Variants in DGKD observed in about 807,000 individuals in gnomAD.
DGKD encodes the protein diacylglycerol kinase delta.
In DGKD, 68 loss-of-function variants were observed where a neutral mutation model predicts 154.4. The observed-to-expected ratio is 0.44, with a 90% confidence interval of 0.36 to 0.54. The LOEUF (loss-of-function observed/expected upper bound fraction) is 0.54. Ranked by LOEUF, DGKD falls within the 20% of genes least tolerant of loss-of-function variation. The pLI, the probability that DGKD is intolerant of heterozygous loss-of-function variation, is 0.00. For missense variants in DGKD, 1,343 were observed against 1,593.6 expected (o/e 0.84, Z 2.68); for synonymous variants, 693 against 638.0 (o/e 1.09, Z -1.30).
At chr2:233,385,793 T>C (rs1251767384) in intron 1 of DGKD, among the ~76,000 whole-genome samples, 3 of 152,226 alleles carry the variant, frequency 2.0e-5, no homozygotes, top group Non-Finnish European at 4.4e-5. Flanking sequence ...TCTATAGTAC[T>C]CACAAGCAGC....
chr2:233,365,857 G>T (rs928959768), intron 1 of DGKD, among the ~76,000 whole-genome samples: 1 of 152,072 alleles, frequency 6.6e-6, no homozygotes, highest in African/African-American at 2.4e-5. Flanking sequence ...TATAAAATGG[G>T]GTACAGCTGA....
At chr2:233,460,716 CCGTCTCTA>C (rs2063604248) in intron 24 of DGKD, among the ~76,000 whole-genome samples, 1 of 152,098 alleles carries the variant, frequency 6.6e-6, no homozygotes, top group Admixed American at 6.5e-5. Context: ...TGGTGAAACC[CCGTCTCTA>C]CTAAAAATAC....
At chr2:233,426,474 A>C (rs539671079) in intron 3 of DGKD, among the ~76,000 whole-genome samples, 2 of 152,244 alleles carry the variant, frequency 1.3e-5, no homozygotes, top group Admixed American at 6.5e-5. Flanking sequence ...CCCTCCTGTC[A>C]AAGCAGCTGC....
chr2:233,360,617 G>A lies in DGKD; in HGVS notation c.156+5943G>A, dbSNP rs1483466886. On this transcript the variant is annotated intron_variant, in intron 1 of 29. Transcript: ENST00000264057. ...TTCCCCAGGCTGGTCTCAAACTCCT[G>A]GGCTCAAGTGATCCTCCTGCTTCAG... Among the ~76,000 whole-genome samples, 3 of 152,184 alleles carry A rather than the reference G, an allele frequency of 2.0e-5. 1 individual carries two copies. The East Asian group carries it at 5.8e-4, about 29-fold the overall frequency.
At chr2:233,442,038 C>A (rs368483390) in intron 10 of DGKD, 43 bp downstream of exon 10, 1 of 1,542,744 alleles carries the variant, frequency 6.5e-7, no homozygotes, top group Non-Finnish European at 9.0e-7. Flanking sequence ...AGAGAGGGTG[C>A]GGAGGTTAGA....
chr2:233,462,193 C>T (rs892623942), intron 24 of DGKD, among the ~76,000 whole-genome samples, 155 bp from the exon 25 acceptor site: 18 of 152,354 alleles, frequency 1.2e-4, no homozygotes, highest in East Asian at 5.8e-4. Context: ...TGTGACTGAA[C>T]GGTCGCTGGG....
rs1212208694 is a variant in DGKD, at chr2:233,449,682, G to A, written c.1889-300G>A. Among the ~76,000 whole-genome samples the A allele has an allele frequency of 2.6e-5, 4 of 152,100 alleles. No homozygotes were observed. The highest frequency in any genetic ancestry group is 1.3e-4 in the Admixed American group (2 of 15,286). ...CACGGCCTCACACCCGCACACCTGC[G>A]TGTCCATGCAGCCGCTCCTCCCGCT... On this transcript the variant is annotated intron_variant, in intron 15 of 29. Coordinates refer to ENST00000264057, the MANE Select transcript of DGKD (RefSeq NM_152879.3). This position sits in a 1 kb window ranked among gnomAD's most constrained non-coding sequence, Gnocchi z 5.3.
chr2:233,415,759 G>T lies in DGKD; in HGVS notation c.349-18621G>T, dbSNP rs1403947232. ...GCACCTTAGCCTACTGAGTAGCTGGGACCACAGGCAGGCACCACCATTCCC... is the reference window on the plus strand; with the variant it reads ...GCACCTTAGCCTACTGAGTAGCTGGTACCACAGGCAGGCACCACCATTCCC... On this transcript the variant is annotated intron_variant, in intron 3 of 29. Transcript: ENST00000264057. 3.9e-5 allele frequency among the ~76,000 whole-genome samples: 6 copies of T among 152,102 alleles called. No homozygotes were observed. The East Asian group carries it at 1.2e-3, about 29-fold the overall frequency.
chr2:233,385,558 G>A lies in DGKD; in HGVS notation c.157-2699G>A, dbSNP rs569259504. Among the ~76,000 whole-genome samples the A allele has an allele frequency of 1.6e-4, 25 of 152,292 alleles. No individual in the cohort carries two copies. In the East Asian group the frequency reaches 3.9e-3, roughly 23 times the overall value. On this transcript the variant is annotated intron_variant, in intron 1 of 29. Transcript: ENST00000264057. ...CCCAACAAAGTGACTCTAAGAGCCC[G>A]GTGGCCCGGCATGGCCCGAGCGAAC...
rs1402238307 is a variant in DGKD, at chr2:233,434,521, G to C, written c.453+37G>C. 1.9e-6 allele frequency: 3 copies of C among 1,583,012 alleles called. No homozygotes were observed. In the South Asian group the frequency reaches 3.3e-5, roughly 18 times the overall value. On this transcript the variant is annotated intron_variant, in intron 4 of 29. Coordinates refer to ENST00000264057, the MANE Select transcript of DGKD (RefSeq NM_152879.3). Reference sequence around the variant, plus strand: ...AAATACCCTTCTCCAAATGCCTCCTGTTGCCTCCCTCACCCCAGTGTCTGC... The same window carrying C: ...AAATACCCTTCTCCAAATGCCTCCTCTTGCCTCCCTCACCCCAGTGTCTGC...
chr2:233,372,090 C>T (rs1331722570), intron 1 of DGKD, among the ~76,000 whole-genome samples: 1 of 152,076 alleles, frequency 6.6e-6, no homozygotes, highest in Non-Finnish European at 1.5e-5. Context: ...GGTATGATCT[C>T]CGTTCACTGC....
At chr2:233,437,917 GACAA>G (rs1234568109) in intron 8 of DGKD, among the ~76,000 whole-genome samples, 2 of 152,240 alleles carry the variant, frequency 1.3e-5, no homozygotes, top group Non-Finnish European at 2.9e-5. Context: ...GGCACCTGTT[GACAA>G]GTACTGGTGG....
At chr2:233,410,139 C>T (rs1468161291) in intron 3 of DGKD, among the ~76,000 whole-genome samples, 1 of 152,052 alleles carries the variant, frequency 6.6e-6, no homozygotes, top group Non-Finnish European at 1.5e-5. Flanking sequence ...TTCTTTGTAG[C>T]TGAATTGTTC....
intron 27 of DGKD, 75 bp from the exon 28 acceptor site, chr2:233,467,011 C>G (rs575398847): frequency 4.9e-6 from 6 of 1,219,690 alleles, no homozygotes; most frequent in African/African-American, 1.5e-5. Flanking sequence ...CCCTCCCAGC[C>G]TCTCTGGTGG....
intron 29 of DGKD, among the ~76,000 whole-genome samples, chr2:233,468,879 C>T (rs1227451740): frequency 6.6e-6 from 1 of 152,250 alleles, no homozygotes; most frequent in East Asian, 1.9e-4. Flanking sequence ...CCCCATGCTG[C>T]TCCTGGGCGG....
intron 1 of DGKD, among the ~76,000 whole-genome samples, chr2:233,373,527 T>A (rs1702427516): frequency 6.6e-6 from 1 of 152,206 alleles, no homozygotes; most frequent in Non-Finnish European, 1.5e-5. Flanking sequence ...GCAGCTGCCC[T>A]CAGCCTTATC....
intron 1 of DGKD, among the ~76,000 whole-genome samples, chr2:233,379,477 C>T (rs938034979): frequency 1.3e-5 from 2 of 152,100 alleles, no homozygotes; most frequent in Admixed American, 6.5e-5. Flanking sequence ...GGAGTGGGCC[C>T]TGGCTCTGAG....
At chr2:233,430,421 G>T (rs990477985) in intron 3 of DGKD, among the ~76,000 whole-genome samples, 2 of 152,212 alleles carry the variant, frequency 1.3e-5, no homozygotes, top group Non-Finnish European at 2.9e-5. Context: ...TATTGCTAAG[G>T]AGTGATGGCC....
Position 233,458,331 on chromosome 2 carries a change from C to T in DGKD, c.2628C>T (p.Ala876=), listed in dbSNP as rs781680418. ...SFDDKILEVV[A]VFGSMQMAVS... ...ATGACAAGATTCTGGAGGTGGTCGCCGTGTTCGGCAGCATGCAGATGGCCG... is the reference window on the plus strand; with the variant it reads ...ATGACAAGATTCTGGAGGTGGTCGCTGTGTTCGGCAGCATGCAGATGGCCG... The change falls in exon 22 of 30, where the codon GCC becomes GCT. Residue 876 remains alanine (A), a synonymous_variant. Coordinates refer to ENST00000264057, the MANE Select transcript of DGKD (RefSeq NM_152879.3). This position sits in a 1 kb window ranked among gnomAD's most constrained non-coding sequence, Gnocchi z 6.6. 1.1e-5 allele frequency: 18 copies of T among 1,612,368 alleles called. No homozygotes were observed. Among genetic ancestry groups the T allele is most frequent in the Non-Finnish European group, 1.4e-5 (16 of 1,179,890 alleles).
Sources: gnomAD v4.1 joint callset for allele counts (sites outside exome capture counted in the v4.1 genomes callset) on GRCh38, gnomAD v4.1.1 for gene constraint, Gnocchi (gnomAD v3.1) non-coding constraint, MANE v1.5 for transcripts, NCBI Gene and HGNC (gene_info 2026-07-23, HGNC 2026-07-21) for gene names.